The following MACROD2 variants were observed in gnomAD, a reference collection of about 807,000 sequenced individuals.
The protein encoded by MACROD2 is mono-ADP ribosylhydrolase 2, also known as ADP-ribose glycohydrolase MACROD2.
MACROD2 carries 36 observed loss-of-function variants against 70.4 expected under a neutral mutation model. The observed-to-expected ratio is 0.51, with a 90% confidence interval of 0.39 to 0.68. The LOEUF is 0.68. Among genes scored for constraint, MACROD2 ranks in the 30% least tolerant of loss-of-function variants. The pLI is 0.00. For synonymous variants in MACROD2, 172 were observed against 178.8 expected (o/e 0.96, Z 0.30); for missense variants, 496 against 538.4 (o/e 0.92, Z 0.78).
At chr20:14,915,826 G>T (rs1233110469) in intron 5 of MACROD2, among the ~76,000 whole-genome samples, 5 of 152,156 alleles carry the variant, frequency 3.3e-5, no homozygotes, top group Non-Finnish European at 5.9e-5. Flanking sequence ...GTGACATTAA[G>T]GTAGCTGCGA....
chr20:14,783,266 T>C (rs1044044372), intron 5 of MACROD2, among the ~76,000 whole-genome samples: 2 of 152,162 alleles, frequency 1.3e-5, no homozygotes, highest in African/African-American at 4.8e-5. Context: ...AAGAAGGTAG[T>C]TGTGTTTCCT....
intron 7 of MACROD2, among the ~76,000 whole-genome samples, chr20:15,484,254 A>G (rs2047136965): frequency 6.6e-6 from 1 of 152,046 alleles, no homozygotes; most frequent in South Asian, 2.1e-4. Context: ...AGCCAAACAT[A>G]ATGTACTACG....
intron 5 of MACROD2, among the ~76,000 whole-genome samples, chr20:14,777,687 A>G (rs1420851571): frequency 6.6e-6 from 1 of 152,108 alleles, no homozygotes; most frequent in Non-Finnish European, 1.5e-5. Flanking sequence ...TAGTGGACCC[A>G]GGCATGAAAT....
At chr20:15,534,535 G>A (rs1379217041) in intron 8 of MACROD2, among the ~76,000 whole-genome samples, 1 of 151,968 alleles carries the variant, frequency 6.6e-6, no homozygotes, top group East Asian at 1.9e-4. Context: ...CTGAACAAAA[G>A]TAATTTATGC....
chr20:14,160,285 G>T (rs1016062421), intron 3 of MACROD2, among the ~76,000 whole-genome samples: 45 of 152,206 alleles, frequency 3.0e-4, no homozygotes, highest in African/African-American at 8.4e-4. Context: ...GGGTAGTTTG[G>T]GGGAAAATTG....
At chr20:15,018,011 A>G (rs1320757723) in intron 5 of MACROD2, among the ~76,000 whole-genome samples, 4 of 152,170 alleles carry the variant, frequency 2.6e-5, no homozygotes, top group African/African-American at 9.6e-5. Flanking sequence ...AAATAATATT[A>G]GGCTCCTTAC....
At chr20:15,831,957 A>G (rs2064060913) in intron 8 of MACROD2, among the ~76,000 whole-genome samples, 1 of 152,204 alleles carries the variant, frequency 6.6e-6, no homozygotes, top group Non-Finnish European at 1.5e-5. Context: ...TGTTATCTAA[A>G]TGTCACACCG....
intron 10 of MACROD2, among the ~76,000 whole-genome samples, chr20:15,897,929 T>C (rs1192221323): frequency 6.6e-6 from 1 of 152,210 alleles, no homozygotes; most frequent in Non-Finnish European, 1.5e-5. Flanking sequence ...TTTTTTGATG[T>C]TGCTTTAAGA....
chr20:15,473,725 G>A (rs2046988033), intron 7 of MACROD2, among the ~76,000 whole-genome samples: 2 of 152,270 alleles, frequency 1.3e-5, no homozygotes, highest in African/African-American at 4.8e-5. Flanking sequence ...TTCCAACTCT[G>A]CTAATATCCA....
intron 5 of MACROD2, among the ~76,000 whole-genome samples, chr20:14,772,015 A>C (rs1270569482): frequency 6.6e-6 from 1 of 152,072 alleles, no homozygotes; most frequent in Non-Finnish European, 1.5e-5. Context: ...AAAAGCAGGA[A>C]AAGAAATTTA....
At chr20:14,478,830 AT>A (rs950735721) in intron 3 of MACROD2, among the ~76,000 whole-genome samples, 4 of 152,000 alleles carry the variant, frequency 2.6e-5, no homozygotes, top group African/African-American at 9.7e-5. Flanking sequence ...ATTTTCCAAG[AT>A]TTTTTGGTCT....
At chr20:15,355,146 T>G (rs1390242791) in intron 6 of MACROD2, among the ~76,000 whole-genome samples, 1 of 152,178 alleles carries the variant, frequency 6.6e-6, no homozygotes, top group Non-Finnish European at 1.5e-5. Context: ...GGAGTTGACA[T>G]CAGACTCCAC....
intron 4 of MACROD2, among the ~76,000 whole-genome samples, chr20:14,506,911 A>C (rs2084975366): frequency 6.6e-6 from 1 of 152,188 alleles, no homozygotes; most frequent in Non-Finnish European, 1.5e-5. Context: ...AGATCACGCC[A>C]CGGCACTCCA....
At chr20:14,235,149 T>G (rs561780532) in intron 3 of MACROD2, among the ~76,000 whole-genome samples, 1 of 152,276 alleles carries the variant, frequency 6.6e-6, no homozygotes, top group South Asian at 2.1e-4. Flanking sequence ...TAAGCCTACA[T>G]AAAGCCACAT....
chr20:14,908,559 G>A (rs1024816531), intron 5 of MACROD2, among the ~76,000 whole-genome samples: 3 of 151,362 alleles, frequency 2.0e-5, no homozygotes, highest in African/African-American at 7.3e-5. Context: ...GGAGGCTGAG[G>A]CATGAGAATT....
intron 3 of MACROD2, among the ~76,000 whole-genome samples, chr20:14,341,408 C>T (rs1283499391): frequency 3.3e-5 from 5 of 152,110 alleles, no homozygotes; most frequent in Non-Finnish European, 7.3e-5. Flanking sequence ...GAGGCCGAGG[C>T]GGGAGGATCA....
At chr20:14,577,106 A>C (rs947067707) in intron 4 of MACROD2, among the ~76,000 whole-genome samples, 5 of 152,158 alleles carry the variant, frequency 3.3e-5, no homozygotes, top group African/African-American at 1.2e-4. Context: ...ATCTTAAAGG[A>C]GTGACATCAC....
chr20:15,816,814 A>G (rs1454094047), intron 8 of MACROD2, among the ~76,000 whole-genome samples: 1 of 152,220 alleles, frequency 6.6e-6, no homozygotes, highest in Non-Finnish European at 1.5e-5. Context: ...GCCTTGCTGG[A>G]GAAAGAGGAC....
intron 5 of MACROD2, among the ~76,000 whole-genome samples, chr20:15,116,694 C>T (rs1346701710): frequency 6.6e-6 from 1 of 152,150 alleles, no homozygotes; most frequent in Admixed American, 6.6e-5. Flanking sequence ...TTCTTAATAA[C>T]ATCTTCTTTT....
Sources: allele counts gnomAD v4.1 joint callset (sites outside exome capture counted in the v4.1 genomes callset), GRCh38; gene constraint gnomAD v4.1.1; transcripts MANE v1.5; gene names NCBI Gene and HGNC (gene_info 2026-07-23, HGNC 2026-07-21).